The following MICAL3 variants were observed in gnomAD, a reference collection of about 807,000 sequenced individuals.
MICAL3 encodes the protein microtubule associated monooxygenase, calponin and LIM domain containing 3, also known as [F-actin]-monooxygenase MICAL3.
MICAL3 carries 62 observed loss-of-function variants against 207.4 expected under a neutral mutation model. The ratio of observed to expected loss-of-function variants is 0.30; its 90% CI spans 0.24 to 0.37. The LOEUF (loss-of-function observed/expected upper bound fraction) is 0.37, where lower values mean the gene tolerates loss of function less well. Ranked by LOEUF, MICAL3 falls within the 10% of genes least tolerant of loss-of-function variation. The probability of loss-of-function intolerance (pLI) is 1.00; values close to 1 mark genes in which losing one functional copy is unlikely to be tolerated. For missense variants in MICAL3, 2,368 were observed against 2,635.6 expected, an observed-to-expected ratio of 0.90 and a Z score of 2.22; for synonymous variants, 1,077 against 1,069.3, an observed-to-expected ratio of 1.01 and a Z score of -0.14.
chr22:17,799,761 G>A (rs375213844), intron 29 of MICAL3, among the ~76,000 whole-genome samples: 11 of 152,304 alleles, frequency 7.2e-5, no homozygotes, highest in African/African-American at 2.2e-4. Flanking sequence ...AGGCTGGTCC[G>A]GCAGGCCCAG....
chr22:17,887,871 G>A (rs1297337401), intron 13 of MICAL3, among the ~76,000 whole-genome samples: 1 of 152,194 alleles, frequency 6.6e-6, no homozygotes, highest in Non-Finnish European at 1.5e-5. Flanking sequence ...GCCACACTCT[G>A]AGCTGCACAC....
chr22:17,894,726 A>G (rs1202388683), intron 10 of MICAL3, among the ~76,000 whole-genome samples: 1 of 149,602 alleles, frequency 6.7e-6, no homozygotes, highest in African/African-American at 2.5e-5. Flanking sequence ...GAACCCAGGA[A>G]GTGGAGGCTG....
At chr22:17,815,212 T>G (rs567696976) in intron 27 of MICAL3, 1 of 152,626 alleles carries the variant, frequency 6.6e-6, no homozygotes, top group East Asian at 1.9e-4. Flanking sequence ...TTCCTGTTTC[T>G]CCCTTGCTCC....
intron 1 of MICAL3, among the ~76,000 whole-genome samples, chr22:17,925,834 C>A (rs1369790500): frequency 2.6e-5 from 4 of 152,204 alleles, no homozygotes; most frequent in African/African-American, 4.8e-5. Context: ...AGGCATCAAA[C>A]ACGTTTCAGT....
Position 17,889,208 on chromosome 22 carries a change from G to T in MICAL3, c.1717C>A (p.Gln573Lys), listed in dbSNP as rs1930191396. 1.2e-6 allele frequency: 2 copies of T among 1,612,392 alleles called. No homozygotes were observed. The highest frequency in any genetic ancestry group is 1.7e-5 in the Admixed American group (1 of 59,954). Residue 573 changes from glutamine to lysine, a missense_variant, in exon 13 of 32, where the codon CAA (glutamine) becomes AAA (lysine). Coordinates refer to ENST00000441493, the MANE Select transcript of MICAL3 (RefSeq NM_015241.3). Reference sequence around the variant, plus strand: ...AGTTGGTTATTCTTCTCCACATTTTGCTCATCCAAAGAATCAAAATCTCTG... The same window carrying T: ...AGTTGGTTATTCTTCTCCACATTTTTCTCATCCAAAGAATCAAAATCTCTG... ...DLIDFDSLDE[Q>K]NVEKNNQLAF...
intron 28 of MICAL3, among the ~76,000 whole-genome samples, chr22:17,810,264 C>CGT (rs2062032031): frequency 6.6e-6 from 1 of 151,946 alleles, no homozygotes; most frequent in Admixed American, 6.6e-5. Context: ...GGGGTTTCAC[C>CGT]GTGTTAGCCA....
In MICAL3 at chr22:17,818,383, A is replaced by T. The variant is rs1299618333; in HGVS notation, c.4278T>A (p.Ser1426=). Residue 1426 remains serine, a synonymous_variant, in exon 26 of 32, where the codon TCT becomes TCA. Transcript: ENST00000441493. The stretch of plus-strand genomic sequence containing the variant: ...AGGAGCTCCCGTGCAGGCCCAGGCC[A>T]GAGCTGCTGGACAGCTCCCTGCGCT... The part of the protein sequence containing the change: ...QEERRELSSS[S]GLGLHGSSSN... The T allele has an allele frequency of 6.2e-7, 1 of 1,608,960 alleles. No homozygotes were observed. The highest frequency in any genetic ancestry group is 2.2e-5 in the East Asian group (1 of 44,826).
At chr22:17,832,508 C>T (rs556998438) in intron 20 of MICAL3, among the ~76,000 whole-genome samples, 73 of 152,210 alleles carry the variant, frequency 4.8e-4, no homozygotes, top group Non-Finnish European at 9.1e-4. Flanking sequence ...ACTCAAGCCA[C>T]AGCCCCATCC....
chr22:17,967,479 CA>C (rs1370843894), intron 1 of MICAL3, among the ~76,000 whole-genome samples: 21 of 132,358 alleles, frequency 1.6e-4, no homozygotes, highest in African/African-American at 4.9e-4. Context: ...CACACACACA[CA>C]CACACACACA....
chr22:17,830,964 C>G (rs946160570), intron 21 of MICAL3, among the ~76,000 whole-genome samples: 1 of 152,178 alleles, frequency 6.6e-6, no homozygotes, highest in Non-Finnish European at 1.5e-5. Flanking sequence ...AAAACAGACC[C>G]CCGGATGGGA....
At chr22:17,850,648 G>A (rs1429787574) in intron 19 of MICAL3, among the ~76,000 whole-genome samples, 1 of 151,974 alleles carries the variant, frequency 6.6e-6, no homozygotes, top group East Asian at 1.9e-4. Flanking sequence ...CTGACCTCAG[G>A]TGATCTATCT....
chr22:17,891,596 C>A lies in MICAL3; in HGVS notation c.1583G>T (p.Cys528Phe), dbSNP rs1425692437. 6.2e-7 allele frequency: 1 copy of A among 1,613,986 alleles called. No homozygotes were observed. Among genetic ancestry groups the A allele is most frequent in the Admixed American group, 1.7e-5 (1 of 60,022 alleles). The part of the protein sequence containing the change: ...VARSSKLLGW[C>F]QRQTDGYAGV... The stretch of plus-strand genomic sequence containing the variant: ...TGCATAGCCATCTGTCTGCCTCTGG[C>A]ACCAACCCAGCAGTTTGCTTGAACG... The change falls in exon 12 of 32, where the codon TGC becomes TTC. Residue 528 changes from cysteine (C) to phenylalanine (F), a missense_variant. Physicochemically the swap from Cys to Phe is radical, Grantham distance 205. Around this residue, in one of 4 missense-constraint regions of MICAL3, gnomAD observed 147 missense variants for 137.7 expected, o/e 1.07. Transcript: ENST00000441493.
intron 16 of MICAL3, among the ~76,000 whole-genome samples, chr22:17,883,035 C>G (rs1929576336): frequency 6.6e-6 from 1 of 152,352 alleles, no homozygotes; most frequent in Admixed American, 6.5e-5. Flanking sequence ...CCCTCTCCCT[C>G]TGCTCCTCCC....
intron 1 of MICAL3, among the ~76,000 whole-genome samples, chr22:17,976,807 C>CTT (rs1210909450): frequency 1.5e-5 from 2 of 133,722 alleles, no homozygotes; most frequent in African/African-American, 3.0e-5. Flanking sequence ...CTAGAGACTT[C>CTT]TTCTTTTTTT....
chr22:17,840,916 G>C (rs1161461640), intron 20 of MICAL3: 2 of 152,320 alleles, frequency 1.3e-5, no homozygotes, highest in Non-Finnish European at 2.9e-5. Flanking sequence ...AATCTAGGCA[G>C]AGGGTGTCTG....
At chr22:17,862,942 C>T in intron 19 of MICAL3, 4 of 985,434 alleles carry the variant, frequency 4.1e-6, no homozygotes, top group Non-Finnish European at 4.8e-6. Context: ...TATACCAAGT[C>T]ACCTTCTGGC....
intron 1 of MICAL3, among the ~76,000 whole-genome samples, chr22:17,944,110 G>C (rs1933938679): frequency 6.6e-6 from 1 of 150,720 alleles, no homozygotes. Context: ...GTACCTGAGT[G>C]CATGTGTGTG....
At chr22:17,930,043 C>T (rs372394492) in intron 1 of MICAL3, among the ~76,000 whole-genome samples, 2 of 152,194 alleles carry the variant, frequency 1.3e-5, no homozygotes, top group African/African-American at 4.8e-5. Context: ...AAAGAGGACA[C>T]TCAAATCACC....
In MICAL3 at chr22:17,790,492, T is replaced by G; in HGVS notation, c.*240A>C. On this transcript the variant is annotated 3_prime_UTR_variant, in exon 32 of 32. Coordinates refer to ENST00000441493, the MANE Select transcript of MICAL3 (RefSeq NM_015241.3). Reference sequence around the variant, plus strand: ...CGTCATGCCATACACGCCGTGCTGCTCCTCTGAGTGGGAGGTCCAGGTGGG... The same window carrying G: ...CGTCATGCCATACACGCCGTGCTGCGCCTCTGAGTGGGAGGTCCAGGTGGG... The G allele has an allele frequency of 1.8e-6, 1 of 565,270 alleles. No homozygotes were observed. Among genetic ancestry groups the G allele is most frequent in the Non-Finnish European group, 3.2e-6 (1 of 316,688 alleles). 35.0% of individuals were successfully genotyped at this position (565,270 alleles called of 1,614,324 possible).
Sources: allele counts gnomAD v4.1 joint callset (sites outside exome capture counted in the v4.1 genomes callset), GRCh38; gene constraint gnomAD v4.1.1; regional missense constraint gnomAD v4.1.1; transcripts MANE v1.5; gene names NCBI Gene and HGNC (gene_info 2026-07-23, HGNC 2026-07-21).